The following SOS1 variants were observed in gnomAD, a reference collection of about 807,000 sequenced individuals.
SOS1 encodes the protein SOS Ras/Rac guanine nucleotide exchange factor 1.
A neutral mutation model predicts 157.6 loss-of-function variants in SOS1; 25 were observed. The observed-to-expected ratio is 0.16, with a 90% CI of 0.12 to 0.22. The LOEUF is 0.22. SOS1 is among the 10% of genes least tolerant of loss of function. The pLI is 1.00. For synonymous variants in SOS1, 528 were observed against 534.0 expected, an observed-to-expected ratio of 0.99 and a Z score of 0.16; for missense variants, 1,237 against 1,599.1, an observed-to-expected ratio of 0.77 and a Z score of 3.86.
chr2:39,005,908 G>A (rs1000684181), intron 17 of SOS1, among the ~76,000 whole-genome samples: 1 of 152,034 alleles, frequency 6.6e-6, no homozygotes, highest in Non-Finnish European at 1.5e-5. Context: ...CCTACAGAAA[G>A]GGAGATTCAG....
At chr2:39,124,619 G>A (rs1490264873), upstream of SOS1, among the ~76,000 whole-genome samples, 1 of 152,262 alleles carries the variant, frequency 6.6e-6, no homozygotes, top group Non-Finnish European at 1.5e-5. Context: ...CCTTGCTGCA[G>A]CCACAGTGAT....
At chr2:39,019,004 G>A (rs555597042) in intron 10 of SOS1, among the ~76,000 whole-genome samples, 11 of 151,816 alleles carry the variant, frequency 7.2e-5, no homozygotes, top group Admixed American at 3.3e-4. Context: ...TTAAAACACC[G>A]AAACTGAGCT....
chr2:39,056,560 G>A (rs1160993849), intron 4 of SOS1, 142 bp downstream of exon 4: 7 of 648,592 alleles, frequency 1.1e-5, no homozygotes, highest in Non-Finnish European at 1.9e-5. Flanking sequence ...TCTATAAAGT[G>A]GTATCTTGAA....
chr2:39,062,438 A>AT lies in SOS1; in HGVS notation c.214-3635_214-3634insA, dbSNP rs1287209190. 4.0e-4 allele frequency among the ~76,000 whole-genome samples: 60 copies of AT among 150,044 alleles called. No homozygotes were observed. The South Asian group carries it at 4.8e-3, about 12-fold the overall frequency. ...GTCTCAAAATAAAAAAAAAAATTAA[A>AT]AAAAAAAAGAAAAGAAAAGAAAGAA... On this transcript the variant is annotated intron_variant, in intron 2 of 22. Transcript: ENST00000402219.
At chr2:39,067,575 C>T in intron 2 of SOS1, 53 bp downstream of exon 2, 1 of 1,542,896 alleles carries the variant, frequency 6.5e-7, no homozygotes. Flanking sequence ...ACTGACATTA[C>T]AACCAACACA....
At chr2:39,067,807 T>C in intron 1 of SOS1, 54 bp from the exon 2 acceptor site, 1 of 1,527,068 alleles carries the variant, frequency 6.5e-7, no homozygotes, top group Non-Finnish European at 9.1e-7. Context: ...ATTAAACAAA[T>C]TTTTAAAACT....
At chr2:39,123,709 C>A (rs1673976197), upstream of SOS1, among the ~76,000 whole-genome samples, 1 of 152,214 alleles carries the variant, frequency 6.6e-6, no homozygotes, top group African/African-American at 2.4e-5. Flanking sequence ...ATCGTATCCC[C>A]GGGGCCTACA....
At chr2:39,011,543 T>C (rs1005337390) in intron 14 of SOS1, among the ~76,000 whole-genome samples, 3 of 152,160 alleles carry the variant, frequency 2.0e-5, no homozygotes, top group Non-Finnish European at 4.4e-5. Flanking sequence ...GGGAGATCTA[T>C]AAATTTATCT....
intron 10 of SOS1, among the ~76,000 whole-genome samples, chr2:39,021,325 T>G (rs1669788216): frequency 6.6e-6 from 1 of 151,564 alleles, no homozygotes; most frequent in Admixed American, 6.6e-5. Context: ...CAGACAATAG[T>G]TGTAACCATT....
intron 1 of SOS1, among the ~76,000 whole-genome samples, chr2:39,084,554 C>G (rs1262286321): frequency 6.6e-6 from 1 of 152,030 alleles, no homozygotes; most frequent in Non-Finnish European, 1.5e-5. Flanking sequence ...TCCCCCAAAG[C>G]TCTACTAAAA....
intron 8 of SOS1, among the ~76,000 whole-genome samples, chr2:39,034,394 C>T (rs1670271370): frequency 6.6e-6 from 1 of 152,152 alleles, no homozygotes; most frequent in South Asian, 2.1e-4. Context: ...AATATATTCT[C>T]TGTGAAAGAA....
intron 1 of SOS1, among the ~76,000 whole-genome samples, chr2:39,079,845 T>A (rs1255422196): frequency 6.6e-6 from 1 of 152,046 alleles, no homozygotes; most frequent in Non-Finnish European, 1.5e-5. Context: ...GTTCATTTCA[T>A]TATTATTTAA....
intron 1 of SOS1, among the ~76,000 whole-genome samples, chr2:39,076,481 C>T (rs894258546): frequency 1.3e-5 from 2 of 151,882 alleles, no homozygotes; most frequent in Non-Finnish European, 2.9e-5. Flanking sequence ...GGGCTTATTT[C>T]AGGAACTAAG....
At chr2:39,117,816 C>T (rs975478729) in intron 1 of SOS1, among the ~76,000 whole-genome samples, 1 of 152,168 alleles carries the variant, frequency 6.6e-6, no homozygotes, top group Admixed American at 6.5e-5. Flanking sequence ...ACAGGCTCTA[C>T]CTGAGTGTGC....
At chr2:39,043,401 C>G (rs1469767639) in intron 6 of SOS1, among the ~76,000 whole-genome samples, 1 of 152,086 alleles carries the variant, frequency 6.6e-6, no homozygotes, top group Non-Finnish European at 1.5e-5. Context: ...TTTTTCTTTA[C>G]TGTCGTTATG....
intron 10 of SOS1, among the ~76,000 whole-genome samples, chr2:39,015,489 G>A (rs1443881550): frequency 2.0e-5 from 3 of 151,868 alleles, no homozygotes; most frequent in Non-Finnish European, 2.9e-5. Flanking sequence ...TTTATTTCAA[G>A]TAGTCACAAT....
intron 14 of SOS1, among the ~76,000 whole-genome samples, chr2:39,011,793 G>C (rs1669482818): frequency 6.6e-6 from 1 of 152,160 alleles, no homozygotes. Flanking sequence ...GGTACTATCA[G>C]TAGCCCCATT....
At chr2:39,043,741 T>TG (rs1670657072) in intron 6 of SOS1, among the ~76,000 whole-genome samples, 1 of 152,180 alleles carries the variant, frequency 6.6e-6, no homozygotes, top group Non-Finnish European at 1.5e-5. Flanking sequence ...TCTCTTTCTC[T>TG]TTTTATAAAA....
intron 8 of SOS1, among the ~76,000 whole-genome samples, chr2:39,032,979 AG>A (rs953407070): frequency 5.3e-5 from 8 of 152,142 alleles, no homozygotes; most frequent in African/African-American, 1.9e-4. Context: ...ATGGGAAAAA[AG>A]AACAAGCGAA....
Sources: gnomAD v4.1 joint callset for allele counts (sites outside exome capture counted in the v4.1 genomes callset) on GRCh38, gnomAD v4.1.1 for gene constraint, MANE v1.5 for transcripts, NCBI Gene and HGNC (gene_info 2026-07-23, HGNC 2026-07-21) for gene names.